The following MYZAP variants were observed in gnomAD, a reference collection of about 807,000 sequenced individuals.
MYZAP encodes myocardial zonula adherens protein.
In MYZAP, 66 loss-of-function variants were observed where a neutral mutation model predicts 69.4. That is an observed-to-expected ratio of 0.95 (90% CI 0.78 to 1.17). The LOEUF (loss-of-function observed/expected upper bound fraction) is 1.17, where lower values mean the gene tolerates loss of function less well. Among genes scored for constraint, MYZAP ranks in the 50% most tolerant of loss-of-function variants. The probability of loss-of-function intolerance (pLI) is 0.00; values close to 1 mark genes in which losing one functional copy is unlikely to be tolerated. For missense variants in MYZAP, 611 were observed against 556.2 expected, an observed-to-expected ratio of 1.10 and a Z score of -0.99; for synonymous variants, 256 against 205.9, an observed-to-expected ratio of 1.24 and a Z score of -2.09.
chr15:57,639,980 T>C (rs1299824169), intron 10 of MYZAP, among the ~76,000 whole-genome samples: 1 of 152,164 alleles, frequency 6.6e-6, no homozygotes, highest in Non-Finnish European at 1.5e-5. Flanking sequence ...GGTGTGTCTT[T>C]CATTCCCTTT....
At chr15:57,662,022 C>A (rs550396283) in intron 11 of MYZAP, among the ~76,000 whole-genome samples, 1 of 152,274 alleles carries the variant, frequency 6.6e-6, no homozygotes, top group South Asian at 2.1e-4. Flanking sequence ...TGAAAGACTC[C>A]TAAATCCAGT....
At chr15:57,629,326 A>C (rs2036356697) in intron 5 of MYZAP, among the ~76,000 whole-genome samples, 1 of 152,206 alleles carries the variant, frequency 6.6e-6, no homozygotes, top group Non-Finnish European at 1.5e-5. Flanking sequence ...TATTTTTCAA[A>C]ATGGGATTAT....
intron 11 of MYZAP, among the ~76,000 whole-genome samples, chr15:57,668,530 A>G (rs1247115403): frequency 6.6e-6 from 1 of 152,190 alleles, no homozygotes; most frequent in Non-Finnish European, 1.5e-5. Flanking sequence ...CTCCAAAATA[A>G]AAATAAAAAC....
At chr15:57,677,027 C>T (rs768814024) in intron 12 of MYZAP, among the ~76,000 whole-genome samples, 4 of 152,152 alleles carry the variant, frequency 2.6e-5, no homozygotes, top group Non-Finnish European at 5.9e-5. Flanking sequence ...TTCGTTTCCT[C>T]GCAAATATTT....
At chr15:57,667,334 C>T (rs1465181374) in intron 11 of MYZAP, among the ~76,000 whole-genome samples, 5 of 152,154 alleles carry the variant, frequency 3.3e-5, no homozygotes, top group Admixed American at 6.5e-5. Flanking sequence ...GCCAAACATT[C>T]GTGACATAAT....
At chr15:57,665,844 G>A (rs563009433) in intron 11 of MYZAP, among the ~76,000 whole-genome samples, 5 of 152,260 alleles carry the variant, frequency 3.3e-5, no homozygotes, top group Admixed American at 6.5e-5. Context: ...AAATTTACTA[G>A]TGCACCATTA....
intron 1 of MYZAP, among the ~76,000 whole-genome samples, chr15:57,598,326 C>A (rs1315230653): frequency 6.6e-6 from 1 of 152,126 alleles, no homozygotes; most frequent in Non-Finnish European, 1.5e-5. Flanking sequence ...ACCTGTCCCT[C>A]CCTTGCTATC....
At chr15:57,633,032 G>A (rs567890734) in intron 7 of MYZAP, among the ~76,000 whole-genome samples, 1 of 152,260 alleles carries the variant, frequency 6.6e-6, no homozygotes, top group Non-Finnish European at 1.5e-5. Flanking sequence ...CTCTCTCTCT[G>A]CTTTTACTTT....
Position 57,639,539 on chromosome 15 carries a change from C to A in MYZAP, c.1113C>A (p.Val371=). The change falls in exon 10 of 13, where the codon GTC becomes GTA. Residue 371 remains valine, a synonymous_variant. Transcript: ENST00000267853. ...HCQQKKVKQM[V]EEIESLKKKL... ...AGCAGAAGAAAGTCAAGCAGATGGT[C>A]GAGGAGGTAAGCATCTGCAAAAGGT... The A allele has an allele frequency of 1.2e-6, 2 of 1,613,466 alleles. No individual in the cohort carries two copies. The highest frequency in any genetic ancestry group is 2.2e-5 in the South Asian group (2 of 90,852).
chr15:57,599,415 G>A, intron 1 of MYZAP: 2 of 1,086,970 alleles, frequency 1.8e-6, no homozygotes, highest in Non-Finnish European at 2.3e-6. Context: ...ACAAGTAATA[G>A]GTGCTCAGTA....
chr15:57,627,553 A>G (rs1219324417), intron 5 of MYZAP, among the ~76,000 whole-genome samples: 1 of 152,092 alleles, frequency 6.6e-6, no homozygotes, highest in Admixed American at 6.5e-5. Context: ...CCGAGTCTGA[A>G]GAGAGCTGGC....
intron 2 of MYZAP, among the ~76,000 whole-genome samples, chr15:57,606,609 A>G (rs557075530): frequency 1.1e-3 from 168 of 151,844 alleles, no homozygotes; most frequent in South Asian, 2.7e-3. Context: ...GGATAGCATT[A>G]GGAGATATAC....
intron 10 of MYZAP, among the ~76,000 whole-genome samples, chr15:57,643,035 G>A (rs2037249275): frequency 6.6e-6 from 1 of 152,172 alleles, no homozygotes; most frequent in Non-Finnish European, 1.5e-5. Context: ...TAAGTCTCCT[G>A]TCATGGATGT....
rs1192619385 is a variant in MYZAP at position 57,676,418 on chromosome 15, ATG to A, written c.1304+1354_1304+1355del. On this transcript the variant is annotated intron_variant, in intron 12 of 12. Coordinates refer to ENST00000267853, the MANE Select transcript of MYZAP (RefSeq NM_001018100.5). ...GTTGAATATATATATATGTATATAT[ATG>A]TGTATATATATATATGTATATATAT... Among the ~76,000 whole-genome samples, 378 of 21,518 alleles carry A rather than the reference ATG, an allele frequency of 0.018. 6 individuals carry two copies. In the East Asian group the frequency reaches 0.32, roughly 18 times the overall value. 14.1% of individuals were successfully genotyped at this position (21,518 alleles called of 152,430 possible).
At chr15:57,600,671 G>T (rs2034351789) in intron 1 of MYZAP, among the ~76,000 whole-genome samples, 1 of 152,232 alleles carries the variant, frequency 6.6e-6, no homozygotes, top group Admixed American at 6.5e-5. Context: ...ATCACTTACA[G>T]TGTTAATGTC....
chr15:57,669,496 C>T (rs1488498376), intron 11 of MYZAP, among the ~76,000 whole-genome samples: 3 of 152,042 alleles, frequency 2.0e-5, no homozygotes, highest in Non-Finnish European at 2.9e-5. Context: ...CTATCTTATC[C>T]ACTCTGTGTC....
chr15:57,627,960 C>T (rs1333181591), intron 5 of MYZAP, among the ~76,000 whole-genome samples: 1 of 152,172 alleles, frequency 6.6e-6, no homozygotes, highest in Non-Finnish European at 1.5e-5. Context: ...AGTATCTAAT[C>T]ACCTCCTTCA....
intron 4 of MYZAP, among the ~76,000 whole-genome samples, chr15:57,622,894 A>T (rs2035903250): frequency 6.6e-6 from 1 of 152,250 alleles, no homozygotes; most frequent in South Asian, 2.1e-4. Flanking sequence ...GCTGGTAAAA[A>T]TGTCAAAGTC....
At chr15:57,600,506 AGT>A (rs2034340974) in intron 1 of MYZAP, among the ~76,000 whole-genome samples, 1 of 152,206 alleles carries the variant, frequency 6.6e-6, no homozygotes, top group Admixed American at 6.5e-5. Flanking sequence ...CATCATAGGA[AGT>A]GTGTTGAGGA....
Sources: allele counts gnomAD v4.1 joint callset (sites outside exome capture counted in the v4.1 genomes callset), GRCh38; gene constraint gnomAD v4.1.1; transcripts MANE v1.5; gene names NCBI Gene and HGNC (gene_info 2026-07-23, HGNC 2026-07-21).